Variants in DYSF observed in about 807,000 individuals in gnomAD.
DYSF encodes dysferlin.
Under a neutral mutation model 274.9 loss-of-function variants are expected in DYSF, and 212 were observed. That is an observed-to-expected ratio of 0.77 (90% CI 0.69 to 0.86). DYSF has a LOEUF of 0.86. DYSF is among the 40% of genes least tolerant of loss of function. DYSF has a pLI of 0.00. For missense variants in DYSF, 2,666 were observed against 2,783.2 expected (o/e 0.96, Z 0.95); for synonymous variants, 1,091 against 1,078.7 (o/e 1.01, Z -0.22).
intron 6 of DYSF, 150 bp from the exon 7 acceptor site, chr2:71,513,566 C>T (rs754836210): frequency 1.9e-5 from 17 of 883,228 alleles, no homozygotes; most frequent in Non-Finnish European, 2.0e-5. Context: ...CATCCTGGCT[C>T]ACTGATGGGG....
upstream of DYSF, among the ~76,000 whole-genome samples, chr2:71,464,786 G>C (rs1359546202): frequency 9.9e-5 from 15 of 152,188 alleles, no homozygotes; most frequent in Admixed American, 7.2e-4. Context: ...GATAGACCAT[G>C]GGGACAAGGG....
At chr2:71,453,971 G>A (rs1573205512) in exon 1 of DYSF, 1 of 1,613,104 alleles carries the variant, frequency 6.2e-7, no homozygotes, top group Non-Finnish European at 8.5e-7. Context: ...TTGCGCCCTG[G>A]GCGCACGGGG....
intron 42 of DYSF, among the ~76,000 whole-genome samples, chr2:71,655,885 C>T (rs2094758694): frequency 6.6e-6 from 1 of 151,922 alleles, no homozygotes; most frequent in African/African-American, 2.4e-5. Flanking sequence ...TTTCCTTTTG[C>T]TCCCTTCCCC....
rs377459805 is a variant in DYSF at position 71,540,188 on chromosome 2, G to A, written c.1576+949G>A. 2.6e-4 allele frequency among the ~76,000 whole-genome samples: 39 copies of A among 147,728 alleles called. 1 individual carries two copies. In the East Asian group the frequency reaches 6.5e-3, roughly 25 times the overall value. On this transcript the variant is annotated intron_variant, in intron 17 of 55. Transcript: ENST00000410020. The stretch of plus-strand genomic sequence containing the variant: ...TGTAGTGGCCCAAACTCAGCTCACT[G>A]CAATCTCCGCCTCCCCAGTTCAAGC...
intron 3 of DYSF, among the ~76,000 whole-genome samples, chr2:71,492,005 T>A (rs1348758236): frequency 1.3e-5 from 2 of 152,192 alleles, no homozygotes; most frequent in Non-Finnish European, 2.9e-5. Flanking sequence ...CTTGGGAGGC[T>A]GTTTTGGGCA....
chr2:71,528,182 G>A lies in DYSF; in HGVS notation c.1277-116G>A, dbSNP rs1456435105. ...CCCTGGGCTGAGTCCCTGTGTGAAG[G>A]GGCCAAAGCTTCTTGCTCAGGTAGT... On this transcript the variant is annotated intron_variant, in intron 13 of 55. Transcript: ENST00000410020. 3 of 910,812 alleles carry A rather than the reference G, an allele frequency of 3.3e-6. No individual in the cohort carries two copies. The East Asian group carries it at 7.8e-5, about 24-fold the overall frequency. The allele number at this position is 910,812 out of a possible 1,614,324, so 56.4% of individuals were successfully genotyped here. A position where few individuals can be genotyped will look rare whatever the true frequency, so the allele number is the denominator to read the frequency against.
At chr2:71,493,851 C>CAAA (rs145288384) in intron 3 of DYSF, among the ~76,000 whole-genome samples, 25,420 of 69,004 alleles carry the variant, frequency 0.37, 6,284 homozygotes, top group Non-Finnish European at 0.43. Context: ...TACTCTGTCT[C>CAAA]AAAAAAAAAA....
intron 13 of DYSF, among the ~76,000 whole-genome samples, chr2:71,527,378 G>C (rs2088056649): frequency 1.3e-5 from 2 of 152,178 alleles, no homozygotes; most frequent in South Asian, 4.1e-4. Flanking sequence ...GAAATGAAAT[G>C]TACAAGCTTA....
At chr2:71,494,091 T>C (rs1032249634) in intron 3 of DYSF, among the ~76,000 whole-genome samples, 1 of 152,204 alleles carries the variant, frequency 6.6e-6, no homozygotes, top group Non-Finnish European at 1.5e-5. Flanking sequence ...TGCAGTCTTT[T>C]GTGAGGGTTT....
intron 4 of DYSF, among the ~76,000 whole-genome samples, chr2:71,508,149 T>C (rs900774785): frequency 6.6e-6 from 1 of 152,216 alleles, no homozygotes; most frequent in African/African-American, 2.4e-5. Flanking sequence ...ACCTTTTATT[T>C]GGAAATATTT....
chr2:71,559,626 G>A (rs2091586239), intron 22 of DYSF, among the ~76,000 whole-genome samples: 1 of 152,122 alleles, frequency 6.6e-6, no homozygotes, highest in Admixed American at 6.6e-5. Flanking sequence ...GCTCCCCCTT[G>A]CCTCTGTGTC....
Position 71,516,983 on chromosome 2 carries a change from C to T in DYSF, c.952-6C>T, listed in dbSNP as rs772653237. 3 of 1,614,098 alleles carry T rather than the reference C, an allele frequency of 1.9e-6. No homozygotes were observed. Among genetic ancestry groups the T allele is most frequent in the Non-Finnish European group, 2.5e-6 (3 of 1,179,972 alleles). On this transcript the variant is annotated splice_region_variant and splice_polypyrimidine_tract_variant and intron_variant, in intron 9 of 55. Coordinates refer to ENST00000410020, the MANE Select transcript of DYSF (RefSeq NM_001130987.2). The stretch of plus-strand genomic sequence containing the variant: ...GAATGTGAGTTTCCATGATCTTTCT[C>T]TGCAGGTGGTAGACTCTCGTTCTCT...
At chr2:71,535,233 A>G in intron 15 of DYSF, 35 bp from the exon 16 acceptor site, 1 of 1,610,030 alleles carries the variant, frequency 6.2e-7, no homozygotes. Context: ...CTTCAAAAGG[A>G]CTCTTCTCCC....
chr2:71,490,497 G>A (rs541867014), intron 3 of DYSF, among the ~76,000 whole-genome samples: 5 of 152,234 alleles, frequency 3.3e-5, no homozygotes, highest in African/African-American at 1.2e-4. Flanking sequence ...CCGCCACCAC[G>A]CCCAGCTGAT....
intron 8 of DYSF, 37 bp downstream of exon 8, chr2:71,515,788 G>A (rs1049256320): frequency 1.2e-6 from 2 of 1,613,216 alleles, no homozygotes; most frequent in East Asian, 4.5e-5. Context: ...GAACCTTGGT[G>A]GGCCTTCCAA....
At chr2:71,601,802 G>C (rs1197120643) in intron 35 of DYSF, among the ~76,000 whole-genome samples, 1 of 152,178 alleles carries the variant, frequency 6.6e-6, no homozygotes, top group Non-Finnish European at 1.5e-5. Context: ...CTTTCAGCTG[G>C]CTGAGCATTA....
chr2:71,594,320 G>A (rs2152849402), intron 32 of DYSF, among the ~76,000 whole-genome samples: 1 of 152,318 alleles, frequency 6.6e-6, no homozygotes, highest in South Asian at 2.1e-4. Context: ...TTAAGGAGGT[G>A]TTTTCCAAAG....
At chr2:71,534,587 G>A (rs2089107698) in intron 14 of DYSF, among the ~76,000 whole-genome samples, 2 of 152,180 alleles carry the variant, frequency 1.3e-5, no homozygotes, top group South Asian at 4.1e-4. Context: ...TCTCCTAGGG[G>A]TCACAGTCTT....
chr2:71,612,064 G>T (rs1161855630), intron 38 of DYSF, among the ~76,000 whole-genome samples: 1 of 152,164 alleles, frequency 6.6e-6, no homozygotes, highest in African/African-American at 2.4e-5. Context: ...ACCTCCCTGG[G>T]ATGCCTAGAC....
Sources: gnomAD v4.1 joint callset for allele counts (sites outside exome capture counted in the v4.1 genomes callset) on GRCh38, gnomAD v4.1.1 for gene constraint, MANE v1.5 for transcripts, NCBI Gene and HGNC (gene_info 2026-07-23, HGNC 2026-07-21) for gene names.